The following VMP1 variants were observed in gnomAD, a reference collection of about 807,000 sequenced individuals.
The protein encoded by VMP1 is ectopic P-granules autophagy protein 3 homolog.
VMP1 carries 11 observed loss-of-function variants against 56.0 expected under a neutral mutation model. The ratio of observed to expected loss-of-function variants is 0.20; its 90% CI spans 0.12 to 0.32. The LOEUF (loss-of-function observed/expected upper bound fraction) is 0.32, where lower values mean the gene tolerates loss of function less well. VMP1 is among the 10% of genes least tolerant of loss of function. The pLI, the probability that VMP1 is intolerant of heterozygous loss-of-function variation, is 1.00. For synonymous variants in VMP1, 149 were observed against 165.0 expected (o/e 0.90, Z 0.74); for missense variants, 296 against 490.3 (o/e 0.60, Z 3.74).
intron 3 of VMP1, chr17:59,735,784 T>TTACA (rs1268987821): frequency 3.9e-6 from 1 of 257,224 alleles, no homozygotes; most frequent in East Asian, 8.0e-5. Flanking sequence ...TTGGGAGAAA[T>TTACA]CAGGTCTGTG....
chr17:59,708,905 G>T (rs149343575), intron 1 of VMP1, among the ~76,000 whole-genome samples: 1 of 152,302 alleles, frequency 6.6e-6, no homozygotes, highest in Non-Finnish European at 1.5e-5. Flanking sequence ...CTCTCGAGTA[G>T]AAATTTTATA....
At chr17:59,762,553 A>T (rs2036095520) in intron 5 of VMP1, among the ~76,000 whole-genome samples, 1 of 152,220 alleles carries the variant, frequency 6.6e-6, no homozygotes, top group South Asian at 2.1e-4. Context: ...TAAAATGTTG[A>T]ATAGAACTTG....
chr17:59,811,910 G>GAAT, intron 9 of VMP1, 124 bp downstream of exon 9: 1 of 673,280 alleles, frequency 1.5e-6, no homozygotes, highest in South Asian at 1.9e-5. Context: ...AGCTTACTTA[G>GAAT]GTAATACCAC....
chr17:59,823,525 G>A (rs565006553), intron 10 of VMP1, among the ~76,000 whole-genome samples: 35 of 151,716 alleles, frequency 2.3e-4, no homozygotes, highest in Admixed American at 9.2e-4. Flanking sequence ...TGAGGTGGGC[G>A]GATCACAAGG....
chr17:59,713,695 T>C (rs912392978), intron 1 of VMP1, among the ~76,000 whole-genome samples: 1 of 150,470 alleles, frequency 6.6e-6, no homozygotes, highest in African/African-American at 2.4e-5. Flanking sequence ...TTTTTTTTTT[T>C]TTTTTTTGTT....
intron 1 of VMP1, among the ~76,000 whole-genome samples, chr17:59,724,105 G>A (rs760356496): frequency 4.0e-5 from 6 of 151,714 alleles, no homozygotes; most frequent in Admixed American, 6.6e-5. Flanking sequence ...CCAGCTGCTC[G>A]GGAGGCTGAA....
chr17:59,808,902 C>T, intron 8 of VMP1, 26 bp downstream of exon 8: 1 of 1,589,750 alleles, frequency 6.3e-7, no homozygotes. Context: ...TAAAACAGAA[C>T]TTTTACTAAG....
chr17:59,839,628 G>A, intron 11 of VMP1, 140 bp from the exon 12 acceptor site: 1 of 985,204 alleles, frequency 1.0e-6, no homozygotes. Context: ...AGATTTCAGA[G>A]TAGTTGGGGT....
chr17:59,725,254 TTTC>T (rs1173758007), intron 1 of VMP1, among the ~76,000 whole-genome samples: 1 of 152,212 alleles, frequency 6.6e-6, no homozygotes, highest in Non-Finnish European at 1.5e-5. Flanking sequence ...ATTGTGTGAT[TTTC>T]TTCAGTTATG....
chr17:59,766,443 G>T (rs1300250046), intron 6 of VMP1, among the ~76,000 whole-genome samples: 2 of 152,150 alleles, frequency 1.3e-5, no homozygotes, highest in Non-Finnish European at 2.9e-5. Flanking sequence ...AGTAGGGGTT[G>T]CAGTGAACCG....
rs185233821 is a variant in VMP1, at chr17:59,817,920, A to G, written c.974+147A>G. 5 of 524,652 alleles carry G rather than the reference A, an allele frequency of 9.5e-6. No individual in the cohort carries two copies. In the East Asian group the frequency reaches 1.8e-4, roughly 19 times the overall value. The allele number at this position is 524,652 out of a possible 1,614,324, so 32.5% of individuals were successfully genotyped here. ...AACTTGCTGTTATTAGTAAATGAAG[A>G]ATACTTTCTTGTTCTATAGTAGGGA... On this transcript the variant is annotated intron_variant, in intron 10 of 11. Transcript: ENST00000262291.
At chr17:59,818,973 G>A (rs1304724999) in intron 10 of VMP1, among the ~76,000 whole-genome samples, 1 of 152,102 alleles carries the variant, frequency 6.6e-6, no homozygotes, top group Non-Finnish European at 1.5e-5. Context: ...AATGCCACTT[G>A]ATGCTGAGTT....
In VMP1 at chr17:59,770,586, C is replaced by CT. The variant is rs532416792; in HGVS notation, c.583-3155dup. ...CAAATTTTTCTGATTACGTTTATTTCTTTTTTTTTTTTTCTGAGGTGGGAT... is the reference window on the plus strand; with the variant it reads ...CAAATTTTTCTGATTACGTTTATTTCTTTTTTTTTTTTTTCTGAGGTGGGAT... On this transcript the variant is annotated intron_variant, in intron 6 of 11. Transcript: ENST00000262291. Among the ~76,000 whole-genome samples, 277 of 144,438 alleles carry CT rather than the reference C, an allele frequency of 1.9e-3. 2 individuals carry two copies. Among genetic ancestry groups the CT allele is most frequent in the South Asian group, 0.012 (54 of 4,560 alleles). 94.8% of individuals were successfully genotyped at this position (144,438 alleles called of 152,430 possible).
chr17:59,822,842 CAT>C (rs2038501145), intron 10 of VMP1, among the ~76,000 whole-genome samples: 1 of 152,006 alleles, frequency 6.6e-6, no homozygotes, highest in Non-Finnish European at 1.5e-5. Flanking sequence ...GCTGTAGAAA[CAT>C]TCTCCTTTAG....
chr17:59,821,608 C>CGATCTCA (rs1459140576), intron 10 of VMP1, among the ~76,000 whole-genome samples: 2 of 143,190 alleles, frequency 1.4e-5, no homozygotes, highest in Non-Finnish European at 3.0e-5. Flanking sequence ...TGCAATGGTG[C>CGATCTCA]GATCTCAGAT....
intron 6 of VMP1, among the ~76,000 whole-genome samples, chr17:59,768,826 C>CA (rs918828837): frequency 2.4e-4 from 36 of 147,390 alleles, no homozygotes; most frequent in Non-Finnish European, 3.2e-4. Flanking sequence ...ACTAAAAATA[C>CA]AAAAAAAAAA....
chr17:59,806,746 A>T (rs920610720), intron 7 of VMP1, among the ~76,000 whole-genome samples: 3 of 151,802 alleles, frequency 2.0e-5, no homozygotes, highest in African/African-American at 7.3e-5. Context: ...AATCTGATAT[A>T]ACTGATTTAG....
intron 1 of VMP1, among the ~76,000 whole-genome samples, chr17:59,724,236 G>A (rs8081108): frequency 2.8e-4 from 41 of 147,640 alleles, no homozygotes; most frequent in Non-Finnish European, 3.3e-4. Flanking sequence ...AGAAAGAAAA[G>A]AAAAAGAAAA....
intron 8 of VMP1, among the ~76,000 whole-genome samples, chr17:59,809,733 C>G (rs1484418788): frequency 6.6e-6 from 1 of 150,628 alleles, no homozygotes; most frequent in African/African-American, 2.5e-5. Flanking sequence ...GTCTCGATCT[C>G]CTGACCTCGT....
Sources: allele counts gnomAD v4.1 joint callset (sites outside exome capture counted in the v4.1 genomes callset), GRCh38; gene constraint gnomAD v4.1.1; transcripts MANE v1.5; gene names NCBI Gene and HGNC (gene_info 2026-07-23, HGNC 2026-07-21).